Variants in STXBP5L observed in about 807,000 individuals in gnomAD.
The protein encoded by STXBP5L is syntaxin-binding protein 5-like.
A neutral mutation model predicts 144.5 loss-of-function variants in STXBP5L; 65 were observed. The ratio of observed to expected loss-of-function variants is 0.45; its 90% CI spans 0.37 to 0.55. The LOEUF (loss-of-function observed/expected upper bound fraction) is 0.55. Among genes scored for constraint, STXBP5L ranks in the 20% least tolerant of loss-of-function variants. STXBP5L has a pLI of 0.00. For missense variants in STXBP5L, 1,298 were observed against 1,405.5 expected, an observed-to-expected ratio of 0.92 and a Z score of 1.22; for synonymous variants, 505 against 469.6, an observed-to-expected ratio of 1.08 and a Z score of -0.97.
intron 3 of STXBP5L, among the ~76,000 whole-genome samples, chr3:121,012,695 C>G (rs983983064): frequency 6.6e-6 from 1 of 151,412 alleles, no homozygotes; most frequent in African/African-American, 2.4e-5. Flanking sequence ...TATTATTATT[C>G]TTAGATTTAG....
At chr3:121,251,064 A>T (rs1173041725) in intron 15 of STXBP5L, among the ~76,000 whole-genome samples, 1 of 152,190 alleles carries the variant, frequency 6.6e-6, no homozygotes, top group Non-Finnish European at 1.5e-5. Context: ...AACTCTGTTC[A>T]AGGAATTTCC....
At chr3:121,016,984 G>A (rs1945189585) in intron 3 of STXBP5L, among the ~76,000 whole-genome samples, 1 of 152,080 alleles carries the variant, frequency 6.6e-6, no homozygotes, top group Non-Finnish European at 1.5e-5. Flanking sequence ...GACATTACCA[G>A]AAAGGAAAAC....
intron 18 of STXBP5L, among the ~76,000 whole-genome samples, chr3:121,261,032 C>T (rs184205364): frequency 1.3e-5 from 2 of 152,238 alleles, no homozygotes; most frequent in Admixed American, 6.5e-5. Flanking sequence ...CAAGTAATTA[C>T]TGTGAAAGAT....
At chr3:121,161,013 T>A (rs1478532514) in intron 9 of STXBP5L, among the ~76,000 whole-genome samples, 1 of 152,160 alleles carries the variant, frequency 6.6e-6, no homozygotes, top group Admixed American at 6.5e-5. Context: ...ACGCTATGGT[T>A]ATCATATAGT....
intron 20 of STXBP5L, among the ~76,000 whole-genome samples, chr3:121,364,178 A>G (rs2045799709): frequency 1.3e-5 from 2 of 152,278 alleles, no homozygotes; most frequent in South Asian, 4.1e-4. Flanking sequence ...CTGCACCATC[A>G]AGTTTTACCT....
At chr3:121,325,607 ACAT>A (rs1476047527) in intron 20 of STXBP5L, among the ~76,000 whole-genome samples, 2 of 152,038 alleles carry the variant, frequency 1.3e-5, no homozygotes, top group African/African-American at 2.4e-5. Context: ...ATTCCATGAA[ACAT>A]CAGAAAAAAT....
chr3:121,306,013 AT>A (rs539253105), intron 19 of STXBP5L, among the ~76,000 whole-genome samples: 201 of 152,348 alleles, frequency 1.3e-3, no homozygotes, highest in Admixed American at 2.6e-3. Context: ...CTTTAAAAAA[AT>A]ACCATGTACA....
chr3:120,912,118 C>A (rs531359039), intron 2 of STXBP5L, among the ~76,000 whole-genome samples: 1 of 152,100 alleles, frequency 6.6e-6, no homozygotes, highest in South Asian at 2.1e-4. Flanking sequence ...AAATTTATGA[C>A]CTTTTCTACA....
chr3:121,241,133 T>A (rs2049652411), intron 14 of STXBP5L, among the ~76,000 whole-genome samples: 1 of 152,022 alleles, frequency 6.6e-6, no homozygotes, highest in Admixed American at 6.6e-5. Context: ...TCAGACCAAG[T>A]AGGACCCCTA....
chr3:121,413,913 T>C (rs2047176418), intron 24 of STXBP5L, among the ~76,000 whole-genome samples: 1 of 152,166 alleles, frequency 6.6e-6, no homozygotes, highest in African/African-American at 2.4e-5. Flanking sequence ...ATATTTATTA[T>C]AATACAGGGG....
At chr3:121,079,499 T>C (rs2042164190) in intron 5 of STXBP5L, among the ~76,000 whole-genome samples, 1 of 152,232 alleles carries the variant, frequency 6.6e-6, no homozygotes, top group African/African-American at 2.4e-5. Context: ...AGGGTCACAA[T>C]TTGCAGCAAC....
At chr3:121,017,747 C>T (rs947410453) in intron 3 of STXBP5L, among the ~76,000 whole-genome samples, 8 of 151,960 alleles carry the variant, frequency 5.3e-5, no homozygotes, top group Admixed American at 5.3e-4. Context: ...TAACGAAAAT[C>T]AGAAGACTGA....
intron 20 of STXBP5L, among the ~76,000 whole-genome samples, chr3:121,355,013 C>G (rs143843140): frequency 0.036 from 5,409 of 152,270 alleles, 148 homozygotes; most frequent in Middle Eastern, 0.082. Context: ...TGAATATTGG[C>G]TCCCACTCTC....
intron 3 of STXBP5L, among the ~76,000 whole-genome samples, chr3:120,962,190 A>G (rs1314282283): frequency 6.6e-6 from 1 of 152,088 alleles, no homozygotes; most frequent in African/African-American, 2.4e-5. Flanking sequence ...TTTGTCAGAT[A>G]GGTAGATTGC....
At position 121,051,443 on chromosome 3, in the gene STXBP5L, C is replaced by T. The variant is rs183160853; in HGVS notation, c.470+5908C>T. Reference sequence around the variant, plus strand: ...CAGGATTAAGAAACTCACTCAAAACCGCTCAACTACATGGAAACTGAACAA... The same window carrying T: ...CAGGATTAAGAAACTCACTCAAAACTGCTCAACTACATGGAAACTGAACAA... On this transcript the variant is annotated intron_variant, in intron 5 of 26. Transcript: ENST00000471454. Among the ~76,000 whole-genome samples the T allele has an allele frequency of 3.1e-3, 469 of 152,224 alleles. 4 individuals are homozygous for T. Among genetic ancestry groups the T allele is most frequent in the East Asian group, 9.6e-3 (50 of 5,186 alleles).
At chr3:121,071,623 A>G (rs551091097) in intron 5 of STXBP5L, among the ~76,000 whole-genome samples, 1 of 152,322 alleles carries the variant, frequency 6.6e-6, no homozygotes, top group East Asian at 1.9e-4. Flanking sequence ...AGATCACAAT[A>G]TGGGGACCAT....
chr3:121,394,721 C>T (rs2046684384), intron 22 of STXBP5L, among the ~76,000 whole-genome samples: 1 of 150,426 alleles, frequency 6.6e-6, no homozygotes, highest in African/African-American at 2.4e-5. Context: ...TCTCCTGCCT[C>T]AGCCTCCTGA....
At chr3:121,359,023 T>A (rs1283407720) in intron 20 of STXBP5L, among the ~76,000 whole-genome samples, 1 of 152,166 alleles carries the variant, frequency 6.6e-6, no homozygotes, top group Non-Finnish European at 1.5e-5. Context: ...GTTTTTAGTT[T>A]GGAGGAACCT....
intron 15 of STXBP5L, among the ~76,000 whole-genome samples, chr3:121,252,333 T>A (rs1286762490): frequency 6.6e-6 from 1 of 151,732 alleles, no homozygotes; most frequent in Non-Finnish European, 1.5e-5. Flanking sequence ...ACCACTGCGC[T>A]CCAGCCTGGG....
Sources: allele counts gnomAD v4.1 joint callset (sites outside exome capture counted in the v4.1 genomes callset), GRCh38; gene constraint gnomAD v4.1.1; transcripts MANE v1.5; gene names NCBI Gene and HGNC (gene_info 2026-07-23, HGNC 2026-07-21).